Variants in PDE4D observed in about 807,000 individuals in gnomAD.
The protein encoded by PDE4D is phosphodiesterase 4D.
In PDE4D, 24 loss-of-function variants were observed where a neutral mutation model predicts 87.4. The observed-to-expected ratio is 0.27, with a 90% CI of 0.20 to 0.39. PDE4D has a LOEUF of 0.39. Ranked by LOEUF, PDE4D falls within the 10% of genes least tolerant of loss-of-function variation. The pLI is 1.00. For missense variants in PDE4D, 714 were observed against 1,041.0 expected (o/e 0.69, Z 4.32); for synonymous variants, 384 against 383.2 (o/e 1.00, Z -0.02).
chr5:59,770,032 G>T lies in PDE4D; in HGVS notation c.455+123136C>A, dbSNP rs542951027. Among the ~76,000 whole-genome samples the T allele has an allele frequency of 1.2e-3, 184 of 152,160 alleles. 2 individuals are homozygous for T. The highest frequency in any genetic ancestry group is 1.7e-3 in the Non-Finnish European group (116 of 68,016). On this transcript the variant is annotated intron_variant, in intron 1 of 14. Transcript: ENST00000340635. ...ACAGAAGGACAGGGTCAACCACTTGGTCCATCTTTCCTGTTAGCATGCCCA... is the reference window on the plus strand; with the variant it reads ...ACAGAAGGACAGGGTCAACCACTTGTTCCATCTTTCCTGTTAGCATGCCCA...
intron 1 of PDE4D, among the ~76,000 whole-genome samples, chr5:59,686,229 A>G (rs888309901): frequency 1.3e-5 from 2 of 152,144 alleles, no homozygotes; most frequent in Non-Finnish European, 2.9e-5. Flanking sequence ...TTTAACATCT[A>G]TTGAGGGATT....
At position 59,424,848 on chromosome 5, in the gene PDE4D, T is replaced by C. The variant is rs371856244; in HGVS notation, c.456-208880A>G. ...CACACATTCACAATCGATGGGTCCA[T>C]GCATTTAGGCAAGAGTTCAGCAGAG... On this transcript the variant is annotated intron_variant, in intron 1 of 14. Coordinates refer to ENST00000340635, the MANE Select transcript of PDE4D (RefSeq NM_001104631.2). 2.0e-5 allele frequency among the ~76,000 whole-genome samples: 3 copies of C among 152,178 alleles called. No homozygotes were observed. The East Asian group carries it at 5.8e-4, about 29-fold the overall frequency.
At chr5:59,627,112 T>TC (rs11420618) in intron 1 of PDE4D, among the ~76,000 whole-genome samples, 2,801 of 152,296 alleles carry the variant, frequency 0.018, 84 homozygotes, top group African/African-American at 0.063. Flanking sequence ...CAATAAGAAT[T>TC]AGTTAGGTAC....
intron 1 of PDE4D, among the ~76,000 whole-genome samples, chr5:59,625,521 AT>A (rs1384172531): frequency 3.3e-5 from 5 of 151,956 alleles, no homozygotes; most frequent in African/African-American, 9.7e-5. Flanking sequence ...AAAAAAGGAT[AT>A]TGTTTTAAGT....
intron 1 of PDE4D, among the ~76,000 whole-genome samples, chr5:60,337,388 TACACACACACAC>T (rs370108536): frequency 1.1e-5 from 1 of 89,470 alleles, no homozygotes; most frequent in African/African-American, 4.3e-5. Flanking sequence ...TATATATATA[TACACACACACAC>T]ACACACATAT....
intron 1 of PDE4D, among the ~76,000 whole-genome samples, chr5:59,632,584 G>GTGATAC (rs1831711567): frequency 1.3e-5 from 2 of 152,234 alleles, no homozygotes; most frequent in African/African-American, 4.8e-5. Context: ...GGCTCTGCTA[G>GTGATAC]TGATACCCAG....
intron 1 of PDE4D, among the ~76,000 whole-genome samples, chr5:60,289,462 A>T (rs1178012808): frequency 6.6e-6 from 1 of 152,120 alleles, no homozygotes; most frequent in Non-Finnish European, 1.5e-5. Context: ...CACCATTCCT[A>T]ACTTCTGTTC....
chr5:59,663,112 G>C (rs775660357), intron 1 of PDE4D, among the ~76,000 whole-genome samples: 1 of 151,928 alleles, frequency 6.6e-6, no homozygotes, highest in Non-Finnish European at 1.5e-5. Context: ...CACTTACATA[G>C]GAAATAAGAT....
intron 3 of PDE4D, among the ~76,000 whole-genome samples, chr5:59,933,303 G>C (rs755740808): frequency 2.0e-5 from 3 of 152,138 alleles, no homozygotes; most frequent in Admixed American, 1.3e-4. Context: ...TTTTAAAGTC[G>C]TGATTTCCTA....
chr5:59,170,779 C>A (rs975977319), intron 5 of PDE4D, among the ~76,000 whole-genome samples: 3 of 151,958 alleles, frequency 2.0e-5, no homozygotes, highest in Admixed American at 6.5e-5. Context: ...ATTTTTTAAC[C>A]CCTACCTAAA....
intron 1 of PDE4D, among the ~76,000 whole-genome samples, chr5:59,435,000 G>A (rs1293867523): frequency 6.6e-6 from 1 of 152,112 alleles, no homozygotes; most frequent in East Asian, 1.9e-4. Flanking sequence ...TGAGGGATAA[G>A]ATATATACCC....
At chr5:59,852,507 G>A (rs1744830988) in intron 1 of PDE4D, among the ~76,000 whole-genome samples, 2 of 152,046 alleles carry the variant, frequency 1.3e-5, no homozygotes, top group Non-Finnish European at 2.9e-5. Flanking sequence ...TAATGTGCCA[G>A]CCATGTGAGG....
intron 2 of PDE4D, among the ~76,000 whole-genome samples, chr5:60,128,584 G>C (rs895834346): frequency 6.6e-6 from 1 of 152,248 alleles, no homozygotes; most frequent in Non-Finnish European, 1.5e-5. Context: ...GGGTGACCAG[G>C]TGGAAGGCAG....
At chr5:60,128,309 G>C (rs1779286308) in intron 2 of PDE4D, among the ~76,000 whole-genome samples, 1 of 152,194 alleles carries the variant, frequency 6.6e-6, no homozygotes, top group South Asian at 2.1e-4. Context: ...AAATTGATTT[G>C]GATAGAGTGC....
At chr5:59,004,135 T>TAAAAA (rs139532588) in intron 6 of PDE4D, among the ~76,000 whole-genome samples, 4 of 151,150 alleles carry the variant, frequency 2.6e-5, no homozygotes, top group African/African-American at 9.7e-5. Flanking sequence ...CTACATAGAT[T>TAAAAA]TAAAAAAAAA....
chr5:60,482,162 T>C (rs35321122), intron 1 of PDE4D, among the ~76,000 whole-genome samples: 2 of 152,054 alleles, frequency 1.3e-5, no homozygotes, highest in Non-Finnish European at 2.9e-5. Context: ...ATGGGGTTCG[T>C]GCCTTTACAA....
intron 1 of PDE4D, among the ~76,000 whole-genome samples, chr5:59,775,208 A>T (rs953042979): frequency 1.4e-4 from 21 of 152,182 alleles, no homozygotes; most frequent in African/African-American, 5.1e-4. Flanking sequence ...ATAGCCACTA[A>T]ATGTTTAACA....
At chr5:60,005,169 G>A (rs1418360047) in intron 2 of PDE4D, among the ~76,000 whole-genome samples, 1 of 152,060 alleles carries the variant, frequency 6.6e-6, no homozygotes, top group Non-Finnish European at 1.5e-5. Flanking sequence ...GATAAACCTG[G>A]AGGACATTAT....
In PDE4D at chr5:59,215,929, G is replaced by C; in HGVS notation, c.495C>G (p.Pro165=). 6.2e-7 allele frequency: 1 copy of C among 1,613,318 alleles called. No homozygotes were observed. Among genetic ancestry groups the C allele is most frequent in the East Asian group, 2.2e-5 (1 of 44,816 alleles). The change falls in exon 2 of 15, where the codon CCC becomes CCG. Residue 165 remains proline (P), a synonymous_variant. Coordinates refer to ENST00000340635, the MANE Select transcript of PDE4D (RefSeq NM_001104631.2). ...ATCCTGGGCTGGTCATGGGATCCAA[G>C]GGACTCCGTCCCGCAGATGTGCCAT... ...VDNGTSAGRS[P]LDPMTSPGSG... is the part of the protein sequence containing the mutation.
Sources: allele counts gnomAD v4.1 joint callset (sites outside exome capture counted in the v4.1 genomes callset), GRCh38; gene constraint gnomAD v4.1.1; transcripts MANE v1.5; gene names NCBI Gene and HGNC (gene_info 2026-07-23, HGNC 2026-07-21).